SEMA3A: variants seen among roughly 807,000 people sequenced by gnomAD.
SEMA3A encodes semaphorin-3A.
SEMA3A carries 29 observed loss-of-function variants against 97.9 expected under a neutral mutation model. The ratio of observed to expected loss-of-function variants is 0.30; its 90% CI spans 0.22 to 0.40. SEMA3A has a LOEUF of 0.40. SEMA3A is among the 10% of genes least tolerant of loss of function. The probability of loss-of-function intolerance (pLI) is 1.00; values close to 1 mark genes in which losing one functional copy is unlikely to be tolerated. For synonymous variants in SEMA3A, 321 were observed against 323.7 expected (o/e 0.99, Z 0.09); for missense variants, 763 against 951.3 (o/e 0.80, Z 2.60).
At chr7:84,422,910 A>C (rs1033365092) in intron 1 of SEMA3A, among the ~76,000 whole-genome samples, 22 of 151,984 alleles carry the variant, frequency 1.4e-4, no homozygotes, top group African/African-American at 5.1e-4. Flanking sequence ...CCAGCATGCA[A>C]ACTCAGTTTA....
At chr7:84,001,570 G>C (rs559886998) in intron 12 of SEMA3A, among the ~76,000 whole-genome samples, 1 of 151,818 alleles carries the variant, frequency 6.6e-6, no homozygotes, top group Non-Finnish European at 1.5e-5. Context: ...CTGTCATTCC[G>C]AATATATTTC....
intron 1 of SEMA3A, among the ~76,000 whole-genome samples, chr7:84,443,075 T>C (rs1805310791): frequency 6.6e-6 from 1 of 152,068 alleles, no homozygotes; most frequent in South Asian, 2.1e-4. Flanking sequence ...CAGACAGAAG[T>C]ATGCGAATAG....
intron 12 of SEMA3A, among the ~76,000 whole-genome samples, chr7:83,996,198 G>A (rs1163834264): frequency 2.0e-5 from 3 of 150,948 alleles, no homozygotes; most frequent in African/African-American, 7.3e-5. Context: ...TATCTTCTGA[G>A]TATTTTTATA....
At chr7:84,049,848 A>C (rs1417774793) in intron 5 of SEMA3A, among the ~76,000 whole-genome samples, 2 of 140,090 alleles carry the variant, frequency 1.4e-5, no homozygotes, top group Non-Finnish European at 3.1e-5. Context: ...ATATCTCCCA[A>C]TGCTATCCCT....
intron 3 of SEMA3A, among the ~76,000 whole-genome samples, chr7:84,124,583 T>G (rs930611933): frequency 9.9e-5 from 15 of 152,204 alleles, no homozygotes; most frequent in African/African-American, 3.6e-4. Context: ...TTGTGTCACT[T>G]TGCAAATCAG....
At chr7:84,131,897 G>C (rs1795973003) in intron 2 of SEMA3A, among the ~76,000 whole-genome samples, 1 of 152,078 alleles carries the variant, frequency 6.6e-6, no homozygotes, top group Admixed American at 6.5e-5. Context: ...GGCAATGATT[G>C]TCCTGCCGCA....
intron 2 of SEMA3A, among the ~76,000 whole-genome samples, chr7:84,342,783 G>C (rs1186815471): frequency 6.6e-6 from 1 of 152,194 alleles, no homozygotes. Context: ...AATTCTACCT[G>C]TAGACAGTGG....
At position 84,180,276 on chromosome 7, in the gene SEMA3A, T is replaced by C. The variant is rs190444536; in HGVS notation, c.112+14199A>G. ...AGCTGTTCTATTCCTGGTCATTCTC[T>C]TTCACCTTCCTTCCCTCTACCATTG... is the stretch of plus-strand genomic sequence containing the variant. On this transcript the variant is annotated intron_variant, in intron 1 of 16. Transcript: ENST00000265362. Among the ~76,000 whole-genome samples the C allele has an allele frequency of 1.2e-3, 183 of 152,058 alleles. 1 individual carries two copies. Among genetic ancestry groups the C allele is most frequent in the African/African-American group, 4.2e-3 (176 of 41,498 alleles).
At chr7:84,315,159 T>C (rs1199924631) in intron 2 of SEMA3A, among the ~76,000 whole-genome samples, 5 of 152,080 alleles carry the variant, frequency 3.3e-5, no homozygotes, top group Non-Finnish European at 7.4e-5. Context: ...CAAGTAGAAA[T>C]TTAAAGATTA....
chr7:84,335,630 G>A (rs912615487), intron 2 of SEMA3A, among the ~76,000 whole-genome samples: 6 of 152,132 alleles, frequency 3.9e-5, no homozygotes, highest in African/African-American at 1.4e-4. Context: ...TATGGAACAG[G>A]CATCTAAGCA....
At chr7:84,156,589 T>C (rs1054484932) in intron 1 of SEMA3A, among the ~76,000 whole-genome samples, 2 of 152,148 alleles carry the variant, frequency 1.3e-5, no homozygotes, top group African/African-American at 4.8e-5. Context: ...AAAATATACA[T>C]TCCGATTCTA....
chr7:84,319,840 A>G (rs956235872), intron 2 of SEMA3A, among the ~76,000 whole-genome samples: 12 of 152,174 alleles, frequency 7.9e-5, no homozygotes, highest in Non-Finnish European at 1.6e-4. Flanking sequence ...CTAAATCACA[A>G]ATTTGTGTTT....
chr7:84,234,793 C>T (rs759428014), intron 3 of SEMA3A, among the ~76,000 whole-genome samples: 18 of 152,108 alleles, frequency 1.2e-4, no homozygotes, highest in Admixed American at 2.6e-4. Context: ...TTACTAATTA[C>T]TCATTCTGAC....
chr7:84,033,781 T>A (rs921690394), intron 6 of SEMA3A, among the ~76,000 whole-genome samples: 1 of 152,066 alleles, frequency 6.6e-6, no homozygotes, highest in African/African-American at 2.4e-5. Flanking sequence ...TCTCATTCAA[T>A]ACAACTGGGT....
intron 1 of SEMA3A, among the ~76,000 whole-genome samples, chr7:84,401,502 A>C (rs967916180): frequency 2.6e-5 from 4 of 151,966 alleles, no homozygotes; most frequent in African/African-American, 4.8e-5. Flanking sequence ...AAAAAAAAAA[A>C]AAAACACTAA....
intron 5 of SEMA3A, among the ~76,000 whole-genome samples, chr7:84,051,822 A>G (rs993484194): frequency 4.0e-5 from 6 of 151,824 alleles, no homozygotes; most frequent in African/African-American, 1.4e-4. Flanking sequence ...GTTTTTGCAC[A>G]TTCAGTATGA....
intron 3 of SEMA3A, among the ~76,000 whole-genome samples, chr7:84,256,078 G>A (rs1049847288): frequency 2.6e-5 from 4 of 152,042 alleles, no homozygotes; most frequent in African/African-American, 9.7e-5. Context: ...GTCTCTGTAT[G>A]TTTGATTGTG....
At chr7:84,032,197 C>T (rs766735085) in intron 6 of SEMA3A, among the ~76,000 whole-genome samples, 2 of 152,078 alleles carry the variant, frequency 1.3e-5, no homozygotes, top group Non-Finnish European at 2.9e-5. Context: ...CCTGATTAGT[C>T]CCTAGGGGTC....
chr7:84,143,634 T>C (rs1057134568), intron 1 of SEMA3A, among the ~76,000 whole-genome samples: 2 of 146,916 alleles, frequency 1.4e-5, no homozygotes, highest in African/African-American at 5.1e-5. Flanking sequence ...GGTAGGAGGA[T>C]TGCTTGAGAC....
Sources: allele counts gnomAD v4.1 joint callset (sites outside exome capture counted in the v4.1 genomes callset), GRCh38; gene constraint gnomAD v4.1.1; transcripts MANE v1.5; gene names NCBI Gene and HGNC (gene_info 2026-07-23, HGNC 2026-07-21).